FHIP1A: variants seen among roughly 807,000 people sequenced by gnomAD.
FHIP1A encodes FHF complex subunit HOOK interacting protein 1A, also known as FHF complex subunit HOOK-interacting protein 1A.
In FHIP1A, 61 loss-of-function variants were observed where a neutral mutation model predicts 88.6. That is an observed-to-expected ratio of 0.69 (90% confidence interval 0.56 to 0.85). The LOEUF (loss-of-function observed/expected upper bound fraction) is 0.85. FHIP1A is among the 40% of genes least tolerant of loss of function. FHIP1A has a pLI of 0.00. For missense variants in FHIP1A, 1,154 were observed against 1,273.5 expected (o/e 0.91, Z 1.43); for synonymous variants, 478 against 496.0 (o/e 0.96, Z 0.48).
chr4:151,606,343 G>T (rs554360557), intron 7 of FHIP1A, among the ~76,000 whole-genome samples: 1 of 152,158 alleles, frequency 6.6e-6, no homozygotes, highest in South Asian at 2.1e-4. Flanking sequence ...TTTATGCCTG[G>T]TTTCCTATAA....
intron 7 of FHIP1A, among the ~76,000 whole-genome samples, chr4:151,612,411 C>A (rs1412922482): frequency 6.6e-6 from 1 of 152,140 alleles, no homozygotes; most frequent in Non-Finnish European, 1.5e-5. Flanking sequence ...GATGGAGTCT[C>A]GCTCCGTTGC....
intron 3 of FHIP1A, among the ~76,000 whole-genome samples, chr4:151,484,828 C>T (rs144541767): frequency 1.3e-5 from 2 of 152,188 alleles, no homozygotes; most frequent in East Asian, 3.9e-4. Flanking sequence ...GGTTAAAAGT[C>T]GTCTACATGA....
Position 151,629,682 on chromosome 4 carries a change from C to A in FHIP1A, c.979-20C>A. On this transcript the variant is annotated intron_variant, in intron 7 of 13. Transcript: ENST00000435205. ...CATCAAAAGGATGCTCACCTGTGCTCACTCCGTTGTTTGTCCTAGGTGACT... is the reference window on the plus strand; with the variant it reads ...CATCAAAAGGATGCTCACCTGTGCTAACTCCGTTGTTTGTCCTAGGTGACT... 6.5e-7 allele frequency: 1 copy of A among 1,549,014 alleles called. No individual in the cohort carries two copies. The highest frequency in any genetic ancestry group is 1.2e-5 in the South Asian group (1 of 83,750).
At chr4:151,617,048 C>T (rs777178483) in intron 7 of FHIP1A, among the ~76,000 whole-genome samples, 7 of 152,064 alleles carry the variant, frequency 4.6e-5, no homozygotes, top group Admixed American at 2.6e-4. Context: ...GTGCCCTCCC[C>T]TGAATATGTA....
At chr4:151,567,366 G>C (rs927208428) in intron 4 of FHIP1A, among the ~76,000 whole-genome samples, 1 of 151,894 alleles carries the variant, frequency 6.6e-6, no homozygotes, top group African/African-American at 2.4e-5. Context: ...ACACAGTTTA[G>C]ATCAAAACCA....
At chr4:151,560,303 G>A (rs1020409138) in intron 3 of FHIP1A, among the ~76,000 whole-genome samples, 1 of 152,156 alleles carries the variant, frequency 6.6e-6, no homozygotes, top group African/African-American at 2.4e-5. Context: ...AAAGCACTGG[G>A]TGGGGAACTA....
intron 3 of FHIP1A, among the ~76,000 whole-genome samples, chr4:151,544,617 T>C (rs1198152136): frequency 3.9e-5 from 6 of 152,116 alleles, no homozygotes; most frequent in African/African-American, 1.4e-4. Context: ...TGATGCTGTT[T>C]AGTGCTTTGT....
intron 3 of FHIP1A, among the ~76,000 whole-genome samples, chr4:151,564,249 A>G (rs994395679): frequency 2.0e-5 from 3 of 152,208 alleles, no homozygotes. Context: ...TGAGTCTTGT[A>G]GCTTTTCGAT....
intron 7 of FHIP1A, among the ~76,000 whole-genome samples, chr4:151,608,718 G>T (rs952876010): frequency 6.6e-6 from 1 of 152,168 alleles, no homozygotes; most frequent in African/African-American, 2.4e-5. Context: ...TAAGGATTCA[G>T]TTTTGTCTTC....
At chr4:151,638,893 A>C (rs1736467150) in intron 9 of FHIP1A, 137 bp downstream of exon 9, 1 of 437,308 alleles carries the variant, frequency 2.3e-6, no homozygotes, top group African/African-American at 2.0e-5. Context: ...GCATCTAAGG[A>C]AGAAAATTAT....
intron 2 of FHIP1A, among the ~76,000 whole-genome samples, chr4:151,473,169 G>A (rs1225761947): frequency 6.6e-6 from 1 of 152,052 alleles, no homozygotes; most frequent in African/African-American, 2.4e-5. Context: ...GGTAAATGAA[G>A]GCTTAGCTGG....
chr4:151,590,108 G>C (rs1215390563), intron 7 of FHIP1A, among the ~76,000 whole-genome samples: 1 of 152,180 alleles, frequency 6.6e-6, no homozygotes, highest in Non-Finnish European at 1.5e-5. Flanking sequence ...TGTTGTTCCA[G>C]GGATGGAATG....
chr4:151,481,787 T>G (rs1560723005), intron 2 of FHIP1A, among the ~76,000 whole-genome samples: 1 of 152,096 alleles, frequency 6.6e-6, no homozygotes, highest in Non-Finnish European at 1.5e-5. Flanking sequence ...TATGTTGGCT[T>G]CTGGCTAACT....
chr4:151,655,808 G>A (rs557204555), intron 11 of FHIP1A, among the ~76,000 whole-genome samples: 1 of 152,162 alleles, frequency 6.6e-6, no homozygotes, highest in South Asian at 2.1e-4. Context: ...ATGGCCTTTG[G>A]TGCTTACATG....
rs909696697 is a variant in FHIP1A at position 151,656,963 on chromosome 4, C to T, written c.2869+65C>T. 2.7e-6 allele frequency: 4 copies of T among 1,468,528 alleles called. No individual in the cohort carries two copies. In the Admixed American group the frequency reaches 7.0e-5, roughly 26 times the overall value. 91.0% of individuals were successfully genotyped at this position (1,468,528 alleles called of 1,614,324 possible). ...TCCTCCACGTCCCTGGCCTACTGGC[C>T]TCAGTTCACAGATGCTGCACTGGCT... On this transcript the variant is annotated intron_variant, in intron 13 of 13. Coordinates refer to ENST00000435205, the MANE Select transcript of FHIP1A (RefSeq NM_001109977.3). The surrounding 1 kb of genome is among the most constrained non-coding windows in gnomAD (Gnocchi z 4.2).
chr4:151,438,585 A>G (rs1362692578), intron 1 of FHIP1A, among the ~76,000 whole-genome samples: 1 of 150,724 alleles, frequency 6.6e-6, no homozygotes, highest in Non-Finnish European at 1.5e-5. Context: ...GATTGGTGCA[A>G]AAGTAATTGC....
chr4:151,475,704 A>G (rs1329727457), intron 2 of FHIP1A, among the ~76,000 whole-genome samples: 1 of 152,188 alleles, frequency 6.6e-6, no homozygotes, highest in African/African-American at 2.4e-5. Flanking sequence ...TAACTTGCTT[A>G]ACATGTACTT....
chr4:151,430,444 T>G (rs951735046), intron 1 of FHIP1A, among the ~76,000 whole-genome samples: 2 of 152,228 alleles, frequency 1.3e-5, no homozygotes, highest in Admixed American at 6.5e-5. Context: ...AGTTCTACTA[T>G]TCAAGATTAT....
chr4:151,436,533 C>A (rs1333589695), intron 1 of FHIP1A: 1 of 152,106 alleles, frequency 6.6e-6, no homozygotes, highest in Non-Finnish European at 1.5e-5. Flanking sequence ...CATATCTTAT[C>A]CTACTCGTTT....
Sources: gnomAD v4.1 joint callset for allele counts (sites outside exome capture counted in the v4.1 genomes callset) on GRCh38, gnomAD v4.1.1 for gene constraint, Gnocchi (gnomAD v3.1) non-coding constraint, MANE v1.5 for transcripts, NCBI Gene and HGNC (gene_info 2026-07-23, HGNC 2026-07-21) for gene names.